ATG13: variants seen among roughly 807,000 people sequenced by gnomAD.
ATG13 encodes autophagy-related protein 13.
In ATG13, 23 loss-of-function variants were observed where a neutral mutation model predicts 65.5. That is an observed-to-expected ratio of 0.35 (90% confidence interval 0.25 to 0.50). The LOEUF is 0.50. Ranked by LOEUF, ATG13 falls within the 20% of genes least tolerant of loss-of-function variation. The pLI, the probability that ATG13 is intolerant of heterozygous loss-of-function variation, is 0.98. For synonymous variants in ATG13, 252 were observed against 245.2 expected (o/e 1.03, Z -0.26); for missense variants, 566 against 677.0 (o/e 0.84, Z 1.82).
At chr11:46,624,283 G>A (rs1366974222) in intron 1 of ATG13, among the ~76,000 whole-genome samples, 1 of 152,124 alleles carries the variant, frequency 6.6e-6, no homozygotes, top group Non-Finnish European at 1.5e-5. Context: ...GATTACAAAG[G>A]TGAGCCACCA....
intron 5 of ATG13, among the ~76,000 whole-genome samples, chr11:46,647,090 C>A (rs1253886535): frequency 1.3e-5 from 2 of 152,046 alleles, no homozygotes; most frequent in East Asian, 3.9e-4. Flanking sequence ...GGGTCTTTAC[C>A]CTCTTGTTCA....
In ATG13 at chr11:46,634,353, C is replaced by T. The variant is rs144941259; in HGVS notation, c.-14+4253C>T. ...GATCTTGTGATCCACCGGCCTCGGC[C>T]TCCCAAAGTGCTGGGATTGGATTCT... On this transcript the variant is annotated intron_variant, in intron 2 of 18. Transcript: ENST00000683050. Among the ~76,000 whole-genome samples the T allele has an allele frequency of 2.7e-3, 410 of 151,978 alleles. 2 individuals carry two copies. The highest frequency in any genetic ancestry group is 9.5e-3 in the African/African-American group (395 of 41,458).
intron 16 of ATG13, 45 bp from the exon 17 acceptor site, chr11:46,668,749 T>C (rs769755624): frequency 1.3e-6 from 2 of 1,541,124 alleles, no homozygotes; most frequent in South Asian, 2.2e-5. Flanking sequence ...GTAACTTGAA[T>C]CTGGGTCACA....
rs528104880 is a variant in ATG13 at position 46,673,969 on chromosome 11, G to A, written c.*1637G>A. ...GGCGGGGACCAGAGCTCTGCGTGCT[G>A]CTGCTGCCACCAAGAAGTGTTAGCA... On this transcript the variant is annotated 3_prime_UTR_variant, in exon 19 of 19. Coordinates refer to ENST00000683050, the MANE Select transcript of ATG13 (RefSeq NM_001346311.2). 2 of 152,386 alleles carry A rather than the reference G, an allele frequency of 1.3e-5. No homozygotes were observed. The highest frequency in any genetic ancestry group is 4.1e-4 in the South Asian group (2 of 4,832). 9.4% of individuals were successfully genotyped at this position (152,386 alleles called of 1,614,324 possible).
In ATG13 at chr11:46,657,640, G is replaced by A. The variant is rs754190952; in HGVS notation, c.695+18G>A. On this transcript the variant is annotated intron_variant, in intron 10 of 18. Coordinates refer to ENST00000683050, the MANE Select transcript of ATG13 (RefSeq NM_001346311.2). ...AATTACAGGTGAGGAATGTGAAAAG[G>A]TGCTCTCCCAAACTGCAGCTGGGCA... The A allele has an allele frequency of 6.4e-6, 10 of 1,566,112 alleles. No homozygotes were observed. Among genetic ancestry groups the A allele is most frequent in the Non-Finnish European group, 8.7e-6 (10 of 1,152,912 alleles).
At chr11:46,662,908 C>T (rs1188905926) in intron 11 of ATG13, among the ~76,000 whole-genome samples, 1 of 152,076 alleles carries the variant, frequency 6.6e-6, no homozygotes, top group Non-Finnish European at 1.5e-5. Context: ...TAGAAATGAA[C>T]CTACTGTGTG....
At chr11:46,634,289 G>A (rs962705921) in intron 2 of ATG13, among the ~76,000 whole-genome samples, 3 of 151,634 alleles carry the variant, frequency 2.0e-5, no homozygotes, top group Non-Finnish European at 4.4e-5. Context: ...TAATAGAGAC[G>A]GGGTTTCACC....
At position 46,661,924 on chromosome 11, in the gene ATG13, ATTG is replaced by A. The variant is rs144071057; in HGVS notation, c.790-2070_790-2068del. Among the ~76,000 whole-genome samples the A allele has an allele frequency of 3.3e-4, 51 of 152,326 alleles. 1 individual carries two copies. In the East Asian group the frequency reaches 9.8e-3, roughly 29 times the overall value. ...GATGTTGTAGAATCCATGGATCACT[ATTG>A]TTTCTATTGTCCTAGTTTGTTTTGG... is the stretch of plus-strand genomic sequence containing the variant. On this transcript the variant is annotated intron_variant, in intron 11 of 18. Coordinates refer to ENST00000683050, the MANE Select transcript of ATG13 (RefSeq NM_001346311.2).
intron 7 of ATG13, among the ~76,000 whole-genome samples, chr11:46,651,681 A>G (rs1294028137): frequency 6.6e-6 from 1 of 152,234 alleles, no homozygotes; most frequent in African/African-American, 2.4e-5. Context: ...TTCTGTTGAA[A>G]TAATCCGGTA....
chr11:46,644,559 T>G (rs1488141535), intron 3 of ATG13, among the ~76,000 whole-genome samples, 199 bp downstream of exon 3: 1 of 151,888 alleles, frequency 6.6e-6, no homozygotes, highest in Non-Finnish European at 1.5e-5. Context: ...CTTCCAATTT[T>G]CCACAGCTAC....
intron 2 of ATG13, among the ~76,000 whole-genome samples, chr11:46,641,387 A>G (rs1321068974): frequency 6.6e-6 from 1 of 152,146 alleles, no homozygotes; most frequent in Non-Finnish European, 1.5e-5. Context: ...TATTTTTAAT[A>G]TTACGTTATA....
Position 46,669,415 on chromosome 11 carries a change from T to C in ATG13, c.1458T>C (p.Phe486=). ...DFVMIDFKPA[F]SKDDILPMDL... Reference sequence around the variant, plus strand: ...TCTTGTTTTTGAAGAAACCAGCTTTTTCTAAAGATGACATTCTTCCGATGG... The same window carrying C: ...TCTTGTTTTTGAAGAAACCAGCTTTCTCTAAAGATGACATTCTTCCGATGG... The change falls in exon 18 of 19, where the codon TTT becomes TTC. Residue 486 remains phenylalanine (F), a synonymous_variant. Coordinates refer to ENST00000683050, the MANE Select transcript of ATG13 (RefSeq NM_001346311.2). The C allele has an allele frequency of 1.2e-6, 2 of 1,614,140 alleles. No homozygotes were observed. Among genetic ancestry groups the C allele is most frequent in the Non-Finnish European group, 8.5e-7 (1 of 1,179,992 alleles).
chr11:46,662,489 G>C (rs1447994274), intron 11 of ATG13, among the ~76,000 whole-genome samples: 1 of 152,168 alleles, frequency 6.6e-6, no homozygotes, highest in African/African-American at 2.4e-5. Context: ...TGTGTGACTA[G>C]AGGCTATCTT....
intron 2 of ATG13, among the ~76,000 whole-genome samples, chr11:46,643,267 A>G (rs1316783698): frequency 6.6e-6 from 1 of 152,168 alleles, no homozygotes; most frequent in Non-Finnish European, 1.5e-5. Flanking sequence ...CAACGTGTCC[A>G]ATCAACAACA....
At chr11:46,648,932 G>A (rs888489587) in intron 5 of ATG13, 3 of 399,962 alleles carry the variant, frequency 7.5e-6, no homozygotes, top group Admixed American at 4.3e-5. Context: ...ATTCCATGAC[G>A]TATTTATTAA....
At chr11:46,658,053 AGT>A (rs1389845576) in intron 10 of ATG13, among the ~76,000 whole-genome samples, 1 of 150,710 alleles carries the variant, frequency 6.6e-6, no homozygotes, top group East Asian at 2.0e-4. Flanking sequence ...TGGGCTACAG[AGT>A]GAGACTCCTT....
chr11:46,641,230 C>G (rs1192533655), intron 2 of ATG13, among the ~76,000 whole-genome samples: 1 of 152,162 alleles, frequency 6.6e-6, no homozygotes, highest in African/African-American at 2.4e-5. Context: ...CACCATCACA[C>G]CCAGCTAATT....
intron 10 of ATG13, among the ~76,000 whole-genome samples, chr11:46,659,034 T>C (rs2060611909): frequency 6.6e-6 from 1 of 151,928 alleles, no homozygotes; most frequent in Non-Finnish European, 1.5e-5. Flanking sequence ...CTACAAAAAA[T>C]TAAGTTAGCT....
At chr11:46,654,762 G>A (rs952601521) in intron 7 of ATG13, among the ~76,000 whole-genome samples, 9 of 151,640 alleles carry the variant, frequency 5.9e-5, no homozygotes, top group Non-Finnish European at 5.9e-5. Context: ...ACCAGCCTGG[G>A]CAATAGTTAG....
Sources: allele counts gnomAD v4.1 joint callset (sites outside exome capture counted in the v4.1 genomes callset), GRCh38; gene constraint gnomAD v4.1.1; transcripts MANE v1.5; gene names NCBI Gene and HGNC (gene_info 2026-07-23, HGNC 2026-07-21).